The following TMPRSS4 variants were observed in gnomAD, a reference collection of about 807,000 sequenced individuals.
TMPRSS4 encodes the protein transmembrane serine protease 4.
In TMPRSS4, 45 loss-of-function variants were observed where a neutral mutation model predicts 56.4. The observed-to-expected ratio is 0.80, with a 90% CI of 0.63 to 1.02. The LOEUF (loss-of-function observed/expected upper bound fraction) is 1.02. Ranked by LOEUF, TMPRSS4 falls within the 50% of genes least tolerant of loss-of-function variation. TMPRSS4 has a pLI of 0.00. For synonymous variants in TMPRSS4, 205 were observed against 211.0 expected (o/e 0.97, Z 0.25); for missense variants, 546 against 556.7 (o/e 0.98, Z 0.19).
chr11:118,107,583 C>T, intron 5 of TMPRSS4, 191 bp from the exon 6 acceptor site: 1 of 495,422 alleles, frequency 2.0e-6, no homozygotes, highest in Non-Finnish European at 3.6e-6. Flanking sequence ...TCCTGGGATG[C>T]CAAGGGTCGG....
At chr11:118,113,553 C>T in intron 9 of TMPRSS4, 118 bp downstream of exon 9, 1 of 1,197,914 alleles carries the variant, frequency 8.3e-7, no homozygotes, top group Non-Finnish European at 1.2e-6. Flanking sequence ...CTCAGCTTGC[C>T]CATTTGTCTC....
At chr11:118,093,981 T>C (rs1295836779) in intron 1 of TMPRSS4, among the ~76,000 whole-genome samples, 1 of 152,246 alleles carries the variant, frequency 6.6e-6, no homozygotes, top group Non-Finnish European at 1.5e-5. Flanking sequence ...TGTTTATTCT[T>C]GTCTATTGCT....
chr11:118,091,701 A>G (rs965565240), intron 1 of TMPRSS4, among the ~76,000 whole-genome samples: 1 of 150,848 alleles, frequency 6.6e-6, no homozygotes, highest in Middle Eastern at 3.3e-3. Flanking sequence ...TTAATTCTTT[A>G]ATGCTGCCCA....
Position 118,119,042 on chromosome 11 carries a change from T to A in TMPRSS4, c.*1129T>A. 6 of 985,444 alleles carry A rather than the reference T, an allele frequency of 6.1e-6. No individual in the cohort carries two copies. Among genetic ancestry groups the A allele is most frequent in the Non-Finnish European group, 7.2e-6 (6 of 829,938 alleles). The allele number at this position is 985,444 out of a possible 1,614,324, so 61.0% of individuals were successfully genotyped here. A position where few individuals can be genotyped will look rare whatever the true frequency, so the allele number is the denominator to read the frequency against. On this transcript the variant is annotated 3_prime_UTR_variant, in exon 13 of 13. Transcript: ENST00000437212. Reference sequence around the variant, plus strand: ...TTTTCTGAGGACTGTCTTGCTATAGTTAAGTCAGATCCTAGATGAAATATA... The same window carrying A: ...TTTTCTGAGGACTGTCTTGCTATAGATAAGTCAGATCCTAGATGAAATATA...
chr11:118,119,179 T>C lies in TMPRSS4; in HGVS notation c.*1266T>C. 1 of 985,350 alleles carries C rather than the reference T, an allele frequency of 1.0e-6. No homozygotes were observed. The highest frequency in any genetic ancestry group is 1.2e-6 in the Non-Finnish European group (1 of 829,924). The allele number at this position is 985,350 out of a possible 1,614,324, so 61.0% of individuals were successfully genotyped here. A position where few individuals can be genotyped will look rare whatever the true frequency, so the allele number is the denominator to read the frequency against. ...CAAAATAAAACAAAACCATCAGAAC[T>C]GTGAGTGGAAACTAAGGTGATGATC... is the stretch of plus-strand genomic sequence containing the variant. On this transcript the variant is annotated 3_prime_UTR_variant, in exon 13 of 13. Coordinates refer to ENST00000437212, the MANE Select transcript of TMPRSS4 (RefSeq NM_019894.4).
intron 12 of TMPRSS4, 26 bp from the exon 13 acceptor site, chr11:118,117,876 C>A: frequency 3.1e-6 from 5 of 1,613,976 alleles, no homozygotes; most frequent in Non-Finnish European, 4.2e-6. Flanking sequence ...ATCTGACTTT[C>A]TCTTCATCGG....
chr11:118,096,432 A>G (rs540499899), intron 2 of TMPRSS4, among the ~76,000 whole-genome samples: 1 of 152,360 alleles, frequency 6.6e-6, no homozygotes, highest in East Asian at 1.9e-4. Context: ...GAGGAAAGAA[A>G]TAGAGTCAGA....
intron 3 of TMPRSS4, among the ~76,000 whole-genome samples, chr11:118,101,723 C>G (rs1388133693): frequency 6.6e-6 from 1 of 152,162 alleles, no homozygotes; most frequent in Non-Finnish European, 1.5e-5. Context: ...AAACAATCCT[C>G]CTGCCTTGGC....
chr11:118,091,089 C>T (rs79924971), intron 1 of TMPRSS4, among the ~76,000 whole-genome samples: 2,841 of 152,300 alleles, frequency 0.019, 89 homozygotes, highest in African/African-American at 0.063. Flanking sequence ...GGCCCACTTC[C>T]CTGCTCCACC....
At chr11:118,107,964 C>A (rs1947083361) in intron 6 of TMPRSS4, 89 bp downstream of exon 6, 3 of 1,043,274 alleles carry the variant, frequency 2.9e-6, no homozygotes, top group Non-Finnish European at 4.4e-6. Flanking sequence ...GAACCCCAAG[C>A]AGCCAGGGGA....
chr11:118,091,376 C>A (rs1459644319), intron 1 of TMPRSS4, among the ~76,000 whole-genome samples: 1 of 152,170 alleles, frequency 6.6e-6, no homozygotes, highest in East Asian at 1.9e-4. Context: ...CCGTAACCAT[C>A]CTGAGCCCCT....
intron 8 of TMPRSS4, among the ~76,000 whole-genome samples, chr11:118,112,269 G>A (rs1029875485): frequency 3.3e-5 from 5 of 150,902 alleles, no homozygotes; most frequent in South Asian, 2.1e-4. Flanking sequence ...TCATAGCCAC[G>A]TCCTCATTAT....
chr11:118,084,346 G>A (rs895498333), intron 1 of TMPRSS4, among the ~76,000 whole-genome samples: 1 of 152,224 alleles, frequency 6.6e-6, no homozygotes, highest in Non-Finnish European at 1.5e-5. Context: ...TGAAGCACTC[G>A]ACGAGTTATG....
intron 3 of TMPRSS4, among the ~76,000 whole-genome samples, chr11:118,100,816 G>A (rs1009490011): frequency 1.3e-5 from 2 of 152,216 alleles, no homozygotes; most frequent in African/African-American, 4.8e-5. Flanking sequence ...ATAATTCAGA[G>A]CTGGACACTC....
Position 118,115,197 on chromosome 11 carries a change from A to G in TMPRSS4, c.1069A>G (p.Asn357Asp). The change falls in exon 11 of 13, where the codon AAT (asparagine) becomes GAT (aspartate). Residue 357 changes from asparagine to aspartate, a missense_variant. By Grantham distance (23) the Asn-to-Asp change is conservative. Transcript: ENST00000437212. Reference protein sequence around the residue: ...SVQVIDSTRCNADDAYQGEVT... With the variant: ...SVQVIDSTRCDADDAYQGEVT... Reference sequence around the variant, plus strand: ...CCAGGTCATTGACAGCACACGGTGCAATGCAGACGATGCGTACCAGGGGGA... The same window carrying G: ...CCAGGTCATTGACAGCACACGGTGCGATGCAGACGATGCGTACCAGGGGGA... The G allele has an allele frequency of 6.2e-7, 1 of 1,613,004 alleles. No homozygotes were observed. Among genetic ancestry groups the G allele is most frequent in the South Asian group, 1.1e-5 (1 of 90,344 alleles).
chr11:118,095,090 A>C, intron 2 of TMPRSS4: 1 of 566,278 alleles, frequency 1.8e-6, no homozygotes, highest in Non-Finnish European at 3.2e-6. Context: ...TCCCCAAAGC[A>C]ATGATTCTCC....
intron 1 of TMPRSS4, among the ~76,000 whole-genome samples, chr11:118,082,505 A>C (rs537444232): frequency 2.0e-5 from 3 of 150,954 alleles, no homozygotes; most frequent in Non-Finnish European, 4.4e-5. Flanking sequence ...AGGTTGCAGT[A>C]AGCCGAGATC....
At chr11:118,080,482 G>T (rs963873071) in intron 1 of TMPRSS4, among the ~76,000 whole-genome samples, 7 of 152,164 alleles carry the variant, frequency 4.6e-5, no homozygotes, top group Non-Finnish European at 8.8e-5. Context: ...GCCTGACCCT[G>T]GGGGTCAAGC....
At chr11:118,087,174 C>T (rs1451338504) in intron 1 of TMPRSS4, among the ~76,000 whole-genome samples, 1 of 152,238 alleles carries the variant, frequency 6.6e-6, no homozygotes, top group African/African-American at 2.4e-5. Flanking sequence ...AAGACTGAAG[C>T]TGTCACCCTC....
Sources: gnomAD v4.1 joint callset for allele counts (sites outside exome capture counted in the v4.1 genomes callset) on GRCh38, gnomAD v4.1.1 for gene constraint, MANE v1.5 for transcripts, NCBI Gene and HGNC (gene_info 2026-07-23, HGNC 2026-07-21) for gene names.